The following MEP1B variants were observed in gnomAD, a reference collection of about 807,000 sequenced individuals.
MEP1B encodes the protein N-benzoyl-L-tyrosyl-P-amino-benzoic acid hydrolase subunit beta.
A neutral mutation model predicts 84.6 loss-of-function variants in MEP1B; 80 were observed. That is an observed-to-expected ratio of 0.95 (90% CI 0.79 to 1.14). The LOEUF is 1.14. MEP1B is among the 50% of genes most tolerant of loss of function. The pLI, the probability that MEP1B is intolerant of heterozygous loss-of-function variation, is 0.00. For synonymous variants in MEP1B, 273 were observed against 288.1 expected (o/e 0.95, Z 0.53); for missense variants, 766 against 855.1 (o/e 0.90, Z 1.30).
intron 11 of MEP1B, 144 bp from the exon 12 acceptor site, chr18:32,214,938 G>T: frequency 1.6e-6 from 1 of 624,448 alleles, no homozygotes; most frequent in Non-Finnish European, 2.8e-6. Flanking sequence ...CCAGTGATTT[G>T]CCAGGGAATA....
In MEP1B at chr18:32,196,846, CT is replaced by C; in HGVS notation, c.250+1362del. On this transcript the variant is annotated intron_variant, in intron 5 of 14. Transcript: ENST00000269202. This position sits in a 1 kb window ranked among gnomAD's most constrained non-coding sequence, Gnocchi z 4.4. ...GCCTTCTGCTGGCTTCTCAGGGCCT[CT>C]GCGTACTTGCCCATGATGTAGTGGA... is the stretch of plus-strand genomic sequence containing the variant. 1.8e-6 allele frequency: 1 copy of C among 556,242 alleles called. No individual in the cohort carries two copies. The highest frequency in any genetic ancestry group is 1.9e-5 in the South Asian group (1 of 52,334). 34.5% of individuals were successfully genotyped at this position (556,242 alleles called of 1,614,324 possible).
intron 5 of MEP1B, among the ~76,000 whole-genome samples, chr18:32,201,575 G>T (rs1354501706): frequency 6.6e-6 from 1 of 152,084 alleles, no homozygotes; most frequent in Admixed American, 6.6e-5. Flanking sequence ...TGAAAAAATA[G>T]TTGGTAAAAT....
chr18:32,202,884 T>G lies in MEP1B; in HGVS notation c.251-9T>G, dbSNP rs1157262403. 6.4e-7 allele frequency: 1 copy of G among 1,561,874 alleles called. No individual in the cohort carries two copies. The highest frequency in any genetic ancestry group is 1.1e-5 in the South Asian group (1 of 87,292). On this transcript the variant is annotated splice_polypyrimidine_tract_variant and intron_variant, in intron 5 of 14. Coordinates refer to ENST00000269202, the MANE Select transcript of MEP1B (RefSeq NM_005925.3). ...AATAAGCTTATTTTTGTTTGTTTTC[T>G]TCCTTCAGAAATGAATGCTAAGGGA...
chr18:32,210,769 C>G, intron 10 of MEP1B, 53 bp downstream of exon 10: 1 of 1,489,776 alleles, frequency 6.7e-7, no homozygotes, highest in East Asian at 2.3e-5. Context: ...AATCTTAGGT[C>G]TTTTCTTTAG....
Position 32,202,882 on chromosome 18 carries a change from T to A in MEP1B, c.251-11T>A. ...TTAATAAGCTTATTTTTGTTTGTTT[T>A]CTTCCTTCAGAAATGAATGCTAAGG... On this transcript the variant is annotated splice_polypyrimidine_tract_variant and intron_variant, in intron 5 of 14. Coordinates refer to ENST00000269202, the MANE Select transcript of MEP1B (RefSeq NM_005925.3). The A allele has an allele frequency of 6.4e-7, 1 of 1,556,186 alleles. No individual in the cohort carries two copies. The highest frequency in any genetic ancestry group is 8.8e-7 in the Non-Finnish European group (1 of 1,134,276).
At chr18:32,201,327 C>T (rs536067634) in intron 5 of MEP1B, among the ~76,000 whole-genome samples, 5 of 151,918 alleles carry the variant, frequency 3.3e-5, no homozygotes, top group African/African-American at 1.2e-4. Context: ...CACACACACA[C>T]ACACACGGCA....
In MEP1B at chr18:32,217,756, T is replaced by C. The variant is rs1261044583; in HGVS notation, c.1887-5T>C. 1 of 1,612,288 alleles carries C rather than the reference T, an allele frequency of 6.2e-7. No individual in the cohort carries two copies. The highest frequency in any genetic ancestry group is 8.5e-7 in the Non-Finnish European group (1 of 1,178,728). On this transcript the variant is annotated splice_region_variant and splice_polypyrimidine_tract_variant and intron_variant, in intron 13 of 14. Coordinates refer to ENST00000269202, the MANE Select transcript of MEP1B (RefSeq NM_005925.3). ...ATAACTCTGAGTCATGCTCTCAACA[T>C]GCAGGTGCCAGTCAGGGGAAGACTG...
At chr18:32,204,606 T>C (rs538959023) in intron 7 of MEP1B, among the ~76,000 whole-genome samples, 1 of 152,306 alleles carries the variant, frequency 6.6e-6, no homozygotes. Context: ...AATATGTTCA[T>C]GAGTATTATG....
chr18:32,217,650 C>T (rs1442400622), intron 13 of MEP1B, 111 bp from the exon 14 acceptor site: 2 of 862,440 alleles, frequency 2.3e-6, no homozygotes, highest in Non-Finnish European at 3.8e-6. Context: ...TTTCATATAG[C>T]AATGACCTAT....
intron 2 of MEP1B, 36 bp from the exon 3 acceptor site, chr18:32,192,610 A>G (rs764708615): frequency 6.3e-7 from 1 of 1,594,534 alleles, no homozygotes; most frequent in Non-Finnish European, 8.6e-7. Context: ...TATAAACATA[A>G]TGTTCAATTT....
chr18:32,217,705 A>G, intron 13 of MEP1B, 56 bp from the exon 14 acceptor site: 1 of 1,398,368 alleles, frequency 7.2e-7, no homozygotes, highest in Non-Finnish European at 1.0e-6. Flanking sequence ...TTAACTGTGA[A>G]GATTTCTGGA....
At chr18:32,206,430 C>CTT (rs34535020) in intron 7 of MEP1B, among the ~76,000 whole-genome samples, 6 of 133,718 alleles carry the variant, frequency 4.5e-5, no homozygotes, top group East Asian at 2.2e-4. Flanking sequence ...TTCAACAACA[C>CTT]TTTTTTTTTT....
intron 6 of MEP1B, chr18:32,203,310 A>T (rs2040931442): frequency 4.2e-6 from 1 of 237,500 alleles, no homozygotes. Context: ...TCAAGTAAAA[A>T]ACATGTGTAT....
In MEP1B at chr18:32,208,208, C is replaced by T. The variant is rs896370097; in HGVS notation, c.856C>T (p.Gln286Ter). The T allele has an allele frequency of 1.9e-6, 3 of 1,613,822 alleles. No homozygotes were observed. Among genetic ancestry groups the T allele is most frequent in the Non-Finnish European group, 2.5e-6 (3 of 1,179,872 alleles). Residue 286 changes from glutamine to a stop codon, truncating the protein, a stop_gained, in exon 9 of 15, where the codon CAA becomes TAA. Coordinates refer to ENST00000269202, the MANE Select transcript of MEP1B (RefSeq NM_005925.3). LOFTEE classifies it high-confidence loss of function. ...AAGTTCAGGAGATAATGCTGACTGG[C>T]AACGGGTTTCACAGGTTCCCAGGGG... is the stretch of plus-strand genomic sequence containing the variant. ...IQSSGDNADW[Q>*]RVSQVPRGPE...
rs754177109 is a variant in MEP1B at position 32,195,390 on chromosome 18, G to T, written c.172-17G>T. On this transcript the variant is annotated splice_polypyrimidine_tract_variant and intron_variant, in intron 4 of 14. Transcript: ENST00000269202. ...CCTTATTTGTTTAACTAGCCCTTTT[G>T]CATTTATTTTTGACAGGCACAAATT... 3.9e-6 allele frequency: 6 copies of T among 1,552,664 alleles called. No homozygotes were observed. The highest frequency in any genetic ancestry group is 1.4e-5 in the African/African-American group (1 of 73,510).
chr18:32,210,710 A>T lies in MEP1B; in HGVS notation c.1129A>T (p.Ile377Leu). ...VDGNLTLVEEIKEIPTGSWQL... is the reference protein window; with the variant it reads ...VDGNLTLVEELKEIPTGSWQL... ...TGGCAATTTAACCCTTGTGGAAGAAATAAAAGGTACAATGTCAACATCCTT... is the reference window on the plus strand; with the variant it reads ...TGGCAATTTAACCCTTGTGGAAGAATTAAAAGGTACAATGTCAACATCCTT... The change falls in exon 10 of 15, where the codon ATA becomes TTA. Residue 377 changes from isoleucine to leucine, a missense_variant. Transcript: ENST00000269202. 1 of 1,612,252 alleles carries T rather than the reference A, an allele frequency of 6.2e-7. No homozygotes were observed. The highest frequency in any genetic ancestry group is 1.1e-5 in the South Asian group (1 of 91,010).
chr18:32,208,251 C>T lies in MEP1B; in HGVS notation c.899C>T (p.Ser300Phe), dbSNP rs373012510. 1.2e-6 allele frequency: 2 copies of T among 1,613,758 alleles called. No individual in the cohort carries two copies. Among genetic ancestry groups the T allele is most frequent in the African/African-American group, 1.3e-5 (1 of 75,032 alleles). Residue 300 changes from serine (S) to phenylalanine (F), a missense_variant, in exon 9 of 15, where the codon TCC becomes TTC. Transcript: ENST00000269202. ...QVPRGPESDH[S>F]NMGQCQGSGF... Reference sequence around the variant, plus strand: ...CCCAGGGGGCCAGAGAGTGATCACTCCAACATGGGCCAGTGCCAAGGTAAC... The same window carrying T: ...CCCAGGGGGCCAGAGAGTGATCACTTCAACATGGGCCAGTGCCAAGGTAAC...
chr18:32,218,617 T>C (rs2041118504), intron 14 of MEP1B, among the ~76,000 whole-genome samples: 1 of 152,166 alleles, frequency 6.6e-6, no homozygotes, highest in South Asian at 2.1e-4. Flanking sequence ...ACACGTATAA[T>C]AGGCTGAGGG....
chr18:32,209,035 C>T (rs2040995084), intron 9 of MEP1B, among the ~76,000 whole-genome samples: 1 of 152,168 alleles, frequency 6.6e-6, no homozygotes, highest in Admixed American at 6.5e-5. Context: ...GACCAGGTAG[C>T]TCTCACTTTT....
Sources: gnomAD v4.1 joint callset for allele counts (sites outside exome capture counted in the v4.1 genomes callset) on GRCh38, gnomAD v4.1.1 for gene constraint, Gnocchi (gnomAD v3.1) non-coding constraint, MANE v1.5 for transcripts, NCBI Gene and HGNC (gene_info 2026-07-23, HGNC 2026-07-21) for gene names.